Variants in PXN observed in about 807,000 individuals in gnomAD.
PXN encodes paxillin.
Under a neutral mutation model 103.6 loss-of-function variants are expected in PXN, and 61 were observed. The ratio of observed to expected loss-of-function variants is 0.59; its 90% CI spans 0.48 to 0.73. The LOEUF is 0.73. Ranked by LOEUF, PXN falls within the 30% of genes least tolerant of loss-of-function variation. The pLI is 0.00. For synonymous variants in PXN, 562 were observed against 607.8 expected (o/e 0.92, Z 1.11); for missense variants, 1,274 against 1,460.3 (o/e 0.87, Z 2.08).
chr12:120,261,678 G>A (rs1371950298), intron 1 of PXN, among the ~76,000 whole-genome samples: 4 of 152,108 alleles, frequency 2.6e-5, no homozygotes, highest in Non-Finnish European at 5.9e-5. Context: ...AATAACTCTG[G>A]CCTTCCATCA....
intron 1 of PXN, among the ~76,000 whole-genome samples, chr12:120,245,868 GGGTTTCATAA>G: frequency 6.6e-6 from 1 of 151,588 alleles, no homozygotes; most frequent in Non-Finnish European, 1.5e-5. Flanking sequence ...TACATAGTAC[GGGTTTCATAA>G]TATATGTAGA....
rs950796856 is a variant in PXN, at chr12:120,225,273, A to G, written c.14-896T>C. 3 of 158,688 alleles carry G rather than the reference A, an allele frequency of 1.9e-5. No individual in the cohort carries two copies. Among genetic ancestry groups the G allele is most frequent in the African/African-American group, 7.2e-5 (3 of 41,484 alleles). 9.8% of individuals were successfully genotyped at this position (158,688 alleles called of 1,614,324 possible). The stretch of plus-strand genomic sequence containing the variant: ...CCCTCCTGGGACCCTCAACAGCCCC[A>G]CGGCTCAGACAGCCTGGCCCTGGAT... On this transcript the variant is annotated intron_variant, in intron 1 of 14. Transcript: ENST00000637617. This position sits in a 1 kb window ranked among gnomAD's most constrained non-coding sequence, Gnocchi z 4.4.
chr12:120,212,672 T>C lies in PXN; in HGVS notation c.2980-92A>G. On this transcript the variant is annotated intron_variant, in intron 14 of 14. Coordinates refer to ENST00000637617, the MANE Select transcript of PXN (RefSeq NM_001385981.1). The surrounding 1 kb of genome is among the most constrained non-coding windows in gnomAD (Gnocchi z 7.2). ...GCCGAGGTGGGCATAGTCGGCACGC[T>C]CGGAGTGACTCCTACTTGCTAGGCG... The C allele has an allele frequency of 7.0e-7, 1 of 1,437,576 alleles. No homozygotes were observed. Among genetic ancestry groups the C allele is most frequent in the Non-Finnish European group, 9.4e-7 (1 of 1,059,484 alleles). 89.1% of individuals were successfully genotyped at this position (1,437,576 alleles called of 1,614,324 possible).
intron 1 of PXN, among the ~76,000 whole-genome samples, chr12:120,253,280 C>G (rs1180125036): frequency 6.6e-6 from 1 of 152,036 alleles, no homozygotes; most frequent in Non-Finnish European, 1.5e-5. Context: ...TGAGACTAGC[C>G]TGACCATTAT....
In PXN at chr12:120,221,828, C is replaced by T. The variant is rs953065309; in HGVS notation, c.696-70G>A. Reference sequence around the variant, plus strand: ...CACACTTCCCGGGGATCAGATCGACCTCTCACCTCGGACACTGGGGTCTCA... The same window carrying T: ...CACACTTCCCGGGGATCAGATCGACTTCTCACCTCGGACACTGGGGTCTCA... On this transcript the variant is annotated intron_variant, in intron 5 of 14. Transcript: ENST00000637617. This position sits in a 1 kb window ranked among gnomAD's most constrained non-coding sequence, Gnocchi z 6.6. 1 of 1,488,866 alleles carries T rather than the reference C, an allele frequency of 6.7e-7. No individual in the cohort carries two copies. The highest frequency in any genetic ancestry group is 9.0e-7 in the Non-Finnish European group (1 of 1,115,804). The allele number at this position is 1,488,866 out of a possible 1,614,324, so 92.2% of individuals were successfully genotyped here.
At chr12:120,237,126 C>CGTGTGTGTGTGT (rs147625061) in intron 1 of PXN, among the ~76,000 whole-genome samples, 1 of 142,424 alleles carries the variant, frequency 7.0e-6, no homozygotes, top group African/African-American at 2.7e-5. Flanking sequence ...TATGTATGTA[C>CGTGTGTGTGTGT]GTGTGTGTGT....
At chr12:120,252,998 C>CAA (rs1254384939) in intron 1 of PXN, among the ~76,000 whole-genome samples, 57 of 49,222 alleles carry the variant, frequency 1.2e-3, no homozygotes, top group South Asian at 2.1e-3. Flanking sequence ...GACTCTGTCT[C>CAA]AAAAAAAAAA....
intron 1 of PXN, among the ~76,000 whole-genome samples, chr12:120,241,185 G>A (rs1890069279): frequency 6.6e-6 from 1 of 152,202 alleles, no homozygotes; most frequent in Non-Finnish European, 1.5e-5. Flanking sequence ...AGGCCTGACA[G>A]TGCACCACCC....
intron 1 of PXN, among the ~76,000 whole-genome samples, chr12:120,255,356 T>A (rs2136666416): frequency 1.3e-5 from 2 of 152,252 alleles, no homozygotes; most frequent in South Asian, 4.1e-4. Flanking sequence ...GACAGGTGTC[T>A]CAGCAAAAGA....
rs190495920 is a variant in PXN, at chr12:120,223,822, T to A, written c.252A>T (p.Ser84=). The A allele has an allele frequency of 1.2e-4, 195 of 1,601,550 alleles. No homozygotes were observed. The African/African-American group carries it at 2.2e-3, about 18-fold the overall frequency. The part of the protein sequence containing the change: ...SRFIHQQPQS[S]SPVYGSSAKT... ...TGGCACTGGAGCCGTACACAGGTGA[T>A]GAGGACTGAGGCTGCGAGAAGGAGA... Residue 84 remains serine, a synonymous_variant, in exon 3 of 15, where the codon TCA becomes TCT. Transcript: ENST00000637617.
Position 120,219,669 on chromosome 12 carries a change from C to T in PXN, c.1254G>A (p.Gln418=). 6.3e-7 allele frequency: 1 copy of T among 1,586,810 alleles called. No homozygotes were observed. Among genetic ancestry groups the T allele is most frequent in the South Asian group, 1.1e-5 (1 of 89,540 alleles). ...STALQEPGEP[Q]GPPASPSCPE... ...GGCACGAAGGGCTGGCTGGTGGCCC[C>T]TGGGGCTCCCCAGGCTCTTGGAGAG... The change falls in exon 7 of 15, where the codon CAG becomes CAA. Residue 418 remains glutamine (Q), a synonymous_variant. Coordinates refer to ENST00000637617, the MANE Select transcript of PXN (RefSeq NM_001385981.1). The surrounding 1 kb of genome is among the most constrained non-coding windows in gnomAD (Gnocchi z 6.5).
chr12:120,245,156 G>T (rs10849739), intron 1 of PXN, among the ~76,000 whole-genome samples: 22,624 of 151,976 alleles, frequency 0.15, 2,017 homozygotes, highest in East Asian at 0.45. Context: ...CTGCAGATCT[G>T]GTCACACCTC....
chr12:120,245,497 A>T (rs1055419816), intron 1 of PXN, among the ~76,000 whole-genome samples: 9 of 152,066 alleles, frequency 5.9e-5, no homozygotes, highest in African/African-American at 1.9e-4. Flanking sequence ...CTTCAAAAAA[A>T]AAGAATGCGG....
Position 120,214,989 on chromosome 12 carries a change from C to T in PXN, c.2584G>A (p.Ala862Thr), listed in dbSNP as rs770437521. 41 of 1,613,194 alleles carry T rather than the reference C, an allele frequency of 2.5e-5. 1 individual carries two copies. The Middle Eastern group carries it at 1.8e-3, about 71-fold the overall frequency. Residue 862 changes from alanine to threonine, a missense_variant, in exon 12 of 15, where the codon GCC becomes ACC. Coordinates refer to ENST00000637617, the MANE Select transcript of PXN (RefSeq NM_001385981.1). The surrounding 1 kb of genome is among the most constrained non-coding windows in gnomAD (Gnocchi z 5.0). ...KKPIAGQVVT[A>T]MGKTWHPEHF... Reference sequence around the variant, plus strand: ...TCGGGGTGCCACGTCTTCCCCATGGCGGTCACAACCTGAGGAGGAGATGGA... The same window carrying T: ...TCGGGGTGCCACGTCTTCCCCATGGTGGTCACAACCTGAGGAGGAGATGGA...
intron 1 of PXN, chr12:120,226,308 G>C: frequency 1.6e-6 from 2 of 1,289,206 alleles, no homozygotes; most frequent in Middle Eastern, 4.3e-4. Flanking sequence ...TAGGGGGCAG[G>C]AGCAGCTGCC....
At chr12:120,226,274 G>A in intron 1 of PXN, 2 of 1,288,998 alleles carry the variant, frequency 1.6e-6, no homozygotes, top group Non-Finnish European at 1.0e-6. Flanking sequence ...CCCCAGAGCA[G>A]GCAACGAATG....
In PXN at chr12:120,214,323, G is replaced by A. The variant is rs574043365; in HGVS notation, c.2749-106C>T. 118 of 940,784 alleles carry A rather than the reference G, an allele frequency of 1.3e-4. No individual in the cohort carries two copies. In the East Asian group the frequency reaches 3.1e-3, roughly 25 times the overall value. 58.3% of individuals were successfully genotyped at this position (940,784 alleles called of 1,614,324 possible). On this transcript the variant is annotated intron_variant, in intron 12 of 14. Transcript: ENST00000637617. The surrounding 1 kb of genome is among the most constrained non-coding windows in gnomAD (Gnocchi z 5.0). ...CCCGCAGCTCATAGCCATAGACAGA[G>A]CAAAACACTCCCAAGATGGGGGTCT...
Position 120,214,991 on chromosome 12 carries a change from G to A in PXN, c.2582C>T (p.Thr861Ile). 1 of 1,613,286 alleles carries A rather than the reference G, an allele frequency of 6.2e-7. No individual in the cohort carries two copies. The highest frequency in any genetic ancestry group is 8.5e-7 in the Non-Finnish European group (1 of 1,179,566). ...CKKPIAGQVV[T>I]AMGKTWHPEH... ...GGGGTGCCACGTCTTCCCCATGGCG[G>A]TCACAACCTGAGGAGGAGATGGAAT... Residue 861 changes from threonine to isoleucine, a missense_variant, in exon 12 of 15, where the codon ACC (threonine) becomes ATC (isoleucine). Around this residue, in one of 2 missense-constraint regions of PXN, gnomAD observed 1,178 missense variants for 1,309.0 expected, o/e 0.90. Transcript: ENST00000637617. This position sits in a 1 kb window ranked among gnomAD's most constrained non-coding sequence, Gnocchi z 5.0.
chr12:120,219,062 A>G lies in PXN; in HGVS notation c.1716+145T>C. On this transcript the variant is annotated intron_variant, in intron 7 of 14. Transcript: ENST00000637617. The surrounding 1 kb of genome is among the most constrained non-coding windows in gnomAD (Gnocchi z 6.5). ...CCACAGAGCCCACTGCCAAGTGCTG[A>G]CTGTCAGGTCCGGCCACAGTGTCTC... 1 of 885,228 alleles carries G rather than the reference A, an allele frequency of 1.1e-6. No homozygotes were observed. Among genetic ancestry groups the G allele is most frequent in the African/African-American group, 1.7e-5 (1 of 59,296 alleles). 54.8% of individuals were successfully genotyped at this position (885,228 alleles called of 1,614,324 possible). A position where few individuals can be genotyped will look rare whatever the true frequency, so the allele number is the denominator to read the frequency against.
Sources: allele counts gnomAD v4.1 joint callset (sites outside exome capture counted in the v4.1 genomes callset), GRCh38; gene constraint gnomAD v4.1.1; regional missense constraint gnomAD v4.1.1; non-coding constraint Gnocchi (gnomAD v3.1); transcripts MANE v1.5; gene names NCBI Gene and HGNC (gene_info 2026-07-23, HGNC 2026-07-21).